Variants in IMMP2L observed in about 807,000 individuals in gnomAD.
IMMP2L encodes inner mitochondrial membrane peptidase subunit 2.
Under a neutral mutation model 19.3 loss-of-function variants are expected in IMMP2L, and 18 were observed. The observed-to-expected ratio is 0.93, with a 90% confidence interval of 0.64 to 1.38. The LOEUF is 1.38. Among genes scored for constraint, IMMP2L ranks in the 40% most tolerant of loss-of-function variants. The pLI, the probability that IMMP2L is intolerant of heterozygous loss-of-function variation, is 0.00. For synonymous variants in IMMP2L, 76 were observed against 73.0 expected, an observed-to-expected ratio of 1.04 and a Z score of -0.21; for missense variants, 233 against 218.2, an observed-to-expected ratio of 1.07 and a Z score of -0.43.
chr7:111,144,108 A>C (rs560783763), intron 3 of IMMP2L, among the ~76,000 whole-genome samples: 1 of 152,260 alleles, frequency 6.6e-6, no homozygotes, highest in South Asian at 2.1e-4. Context: ...AACCTACTAC[A>C]TTTACTAGAG....
intron 3 of IMMP2L, among the ~76,000 whole-genome samples, chr7:111,432,065 G>A (rs961701053): frequency 6.6e-6 from 1 of 151,796 alleles, no homozygotes. Context: ...TTCATCAGAA[G>A]TTCCAGAGAC....
At chr7:110,861,171 AAGAC>A (rs1235906571) in intron 5 of IMMP2L, among the ~76,000 whole-genome samples, 2 of 151,288 alleles carry the variant, frequency 1.3e-5, no homozygotes, top group East Asian at 2.0e-4. Context: ...GATCTACTGT[AAGAC>A]AGAGAGAAGA....
intron 5 of IMMP2L, among the ~76,000 whole-genome samples, chr7:110,748,928 A>G (rs1312533519): frequency 6.6e-6 from 1 of 152,230 alleles, no homozygotes; most frequent in Non-Finnish European, 1.5e-5. Context: ...GAGCTTTTGC[A>G]CAGCAATAGA....
chr7:110,865,113 T>C (rs1807847377), intron 5 of IMMP2L, among the ~76,000 whole-genome samples: 1 of 152,100 alleles, frequency 6.6e-6, no homozygotes, highest in Non-Finnish European at 1.5e-5. Flanking sequence ...TATTTAAAGA[T>C]AAACTTTACC....
chr7:111,459,791 G>A (rs916292046), intron 3 of IMMP2L, among the ~76,000 whole-genome samples: 8 of 152,070 alleles, frequency 5.3e-5, no homozygotes, highest in African/African-American at 7.2e-5. Context: ...GAAATTCACC[G>A]GGAACTCCCT....
intron 5 of IMMP2L, among the ~76,000 whole-genome samples, chr7:110,777,771 T>C (rs1799492272): frequency 6.6e-6 from 1 of 151,960 alleles, no homozygotes; most frequent in African/African-American, 2.4e-5. Flanking sequence ...AGGGAGAAAA[T>C]CTTAACGCCA....
At chr7:111,224,084 T>G (rs752327897) in intron 3 of IMMP2L, among the ~76,000 whole-genome samples, 25 of 152,062 alleles carry the variant, frequency 1.6e-4, no homozygotes, top group Non-Finnish European at 3.1e-4. Flanking sequence ...GCCTTAGACC[T>G]TAGGCAACCC....
chr7:111,355,209 TTTA>T (rs147603580), intron 3 of IMMP2L, among the ~76,000 whole-genome samples: 2,932 of 151,956 alleles, frequency 0.019, 103 homozygotes, highest in African/African-American at 0.067. Flanking sequence ...TAAAAGTTCC[TTTA>T]TTTTTTACAA....
At chr7:111,057,154 C>T (rs898114153) in intron 3 of IMMP2L, among the ~76,000 whole-genome samples, 2 of 152,160 alleles carry the variant, frequency 1.3e-5, no homozygotes, top group Non-Finnish European at 2.9e-5. Context: ...GATGCTCTCA[C>T]GAATCATACT....
At chr7:111,417,717 T>C (rs1482790108) in intron 3 of IMMP2L, among the ~76,000 whole-genome samples, 1 of 151,850 alleles carries the variant, frequency 6.6e-6, no homozygotes, top group African/African-American at 2.4e-5. Flanking sequence ...AGACATGAAA[T>C]AGAATAAGCA....
intron 5 of IMMP2L, chr7:110,725,968 G>A (rs1242110546): frequency 2.6e-5 from 4 of 152,120 alleles, no homozygotes; most frequent in Admixed American, 1.3e-4. Flanking sequence ...ACAACTCTGA[G>A]AGGCAAGTAC....
At chr7:110,862,584 G>A (rs2129542946) in intron 5 of IMMP2L, among the ~76,000 whole-genome samples, 1 of 151,564 alleles carries the variant, frequency 6.6e-6, no homozygotes, top group Middle Eastern at 3.4e-3. Flanking sequence ...GGCCTCAAGT[G>A]ATCCTCCTGC....
intron 3 of IMMP2L, among the ~76,000 whole-genome samples, chr7:111,467,080 T>C (rs562649953): frequency 6.6e-6 from 1 of 152,124 alleles, no homozygotes; most frequent in African/African-American, 2.4e-5. Flanking sequence ...ATTGACCAAA[T>C]AGCAGATTAA....
chr7:111,307,744 C>T (rs150816264), intron 3 of IMMP2L, among the ~76,000 whole-genome samples: 116 of 151,484 alleles, frequency 7.7e-4, no homozygotes, highest in African/African-American at 2.6e-3. Flanking sequence ...GAACTATTTC[C>T]TATTTGTTCC....
rs143222012 is a variant in IMMP2L at position 111,387,594 on chromosome 7, T to C, written c.239+99644A>G. Among the ~76,000 whole-genome samples, 31 of 152,312 alleles carry C rather than the reference T, an allele frequency of 2.0e-4. 1 individual carries two copies. In the East Asian group the frequency reaches 5.6e-3, roughly 27 times the overall value. On this transcript the variant is annotated intron_variant, in intron 3 of 5. Coordinates refer to ENST00000405709, the MANE Select transcript of IMMP2L (RefSeq NM_032549.4). Reference sequence around the variant, plus strand: ...TTTAACATCAAAAATGGCTAGCATGTATGCCAGTGTTATTGCCTTGCATAA... The same window carrying C: ...TTTAACATCAAAAATGGCTAGCATGCATGCCAGTGTTATTGCCTTGCATAA...
At chr7:110,730,818 C>A (rs7788046) in intron 5 of IMMP2L, among the ~76,000 whole-genome samples, 9,164 of 152,200 alleles carry the variant, frequency 0.06, 931 homozygotes, top group African/African-American at 0.21. Context: ...AGCCGCCGCG[C>A]CCGGCCGGGA....
chr7:110,683,527 G>C lies in IMMP2L; in HGVS notation c.409-19806C>G, dbSNP rs571223436. ...TGATCTATCTGTTCACTTTTTATCA[G>C]GTCAACTAATAAGCGAATTAAAGCA... is the stretch of plus-strand genomic sequence containing the variant. On this transcript the variant is annotated intron_variant, in intron 5 of 5. Coordinates refer to ENST00000405709, the MANE Select transcript of IMMP2L (RefSeq NM_032549.4). Among the ~76,000 whole-genome samples the C allele has an allele frequency of 1.3e-4, 20 of 152,052 alleles. No homozygotes were observed. In the South Asian group the frequency reaches 4.2e-3, roughly 32 times the overall value.
At chr7:110,829,986 C>CT (rs1041109271) in intron 5 of IMMP2L, among the ~76,000 whole-genome samples, 5 of 152,048 alleles carry the variant, frequency 3.3e-5, no homozygotes, top group African/African-American at 9.7e-5. Context: ...TCAATCAGCG[C>CT]TTTTTTTCCT....
intron 5 of IMMP2L, among the ~76,000 whole-genome samples, chr7:110,748,445 A>G (rs1797505219): frequency 6.6e-6 from 1 of 152,342 alleles, no homozygotes; most frequent in African/African-American, 2.4e-5. Flanking sequence ...AGCCAAGACA[A>G]TGCTAAGCAG....
Sources: allele counts gnomAD v4.1 joint callset (sites outside exome capture counted in the v4.1 genomes callset), GRCh38; gene constraint gnomAD v4.1.1; transcripts MANE v1.5; gene names NCBI Gene and HGNC (gene_info 2026-07-23, HGNC 2026-07-21).